The following NUMB variants were observed in gnomAD, a reference collection of about 807,000 sequenced individuals.
NUMB encodes NUMB endocytic adaptor protein, also known as protein numb homolog.
A neutral mutation model predicts 59.7 loss-of-function variants in NUMB; 29 were observed. The observed-to-expected ratio is 0.49, with a 90% CI of 0.36 to 0.66. The LOEUF (loss-of-function observed/expected upper bound fraction) is 0.66, where lower values mean the gene tolerates loss of function less well. Ranked by LOEUF, NUMB falls within the 30% of genes least tolerant of loss-of-function variation. The probability of loss-of-function intolerance (pLI) is 0.00; values close to 1 mark genes in which losing one functional copy is unlikely to be tolerated. For missense variants in NUMB, 723 were observed against 822.0 expected, an observed-to-expected ratio of 0.88 and a Z score of 1.47; for synonymous variants, 288 against 288.2, an observed-to-expected ratio of 1.00 and a Z score of 0.01.
At chr14:73,327,312 A>G (rs1156834330) in intron 4 of NUMB, among the ~76,000 whole-genome samples, 2 of 152,212 alleles carry the variant, frequency 1.3e-5, no homozygotes, top group East Asian at 3.8e-4. Flanking sequence ...ACTGGAGTAC[A>G]GTGGTGCAAT....
chr14:73,439,763 A>C (rs933871211), intron 1 of NUMB, among the ~76,000 whole-genome samples: 1 of 152,214 alleles, frequency 6.6e-6, no homozygotes, highest in African/African-American at 2.4e-5. Flanking sequence ...ATTAAAGAGG[A>C]GAAAGGAGAG....
At chr14:73,453,790 G>A (rs1025139783) in intron 1 of NUMB, among the ~76,000 whole-genome samples, 1 of 151,660 alleles carries the variant, frequency 6.6e-6, no homozygotes, top group Non-Finnish European at 1.5e-5. Context: ...TGTGTTTTTA[G>A]TAGAGATGGG....
At chr14:73,348,250 A>T (rs947507576) in intron 4 of NUMB, among the ~76,000 whole-genome samples, 1 of 152,228 alleles carries the variant, frequency 6.6e-6, no homozygotes, top group African/African-American at 2.4e-5. Flanking sequence ...TCAGTTGTAT[A>T]TAAGTGTATG....
At chr14:73,299,018 C>T (rs1009042588) in intron 6 of NUMB, 2 of 152,156 alleles carry the variant, frequency 1.3e-5, no homozygotes, top group African/African-American at 2.4e-5. Flanking sequence ...AAGGAGAAGA[C>T]TGAACTGGGT....
In NUMB at chr14:73,275,925, A is replaced by AACTC. The variant is rs1331238022; in HGVS notation, c.*649_*652dup. ...CTTTACCTTTGGCAAGATTACTTACAACTCATACAACTTCTTAATATCTGA... is the reference window on the plus strand; with the variant it reads ...CTTTACCTTTGGCAAGATTACTTACAACTCACTCATACAACTTCTTAATATCTGA... On this transcript the variant is annotated 3_prime_UTR_variant, in exon 13 of 13. Transcript: ENST00000555238. 1.3e-5 allele frequency: 2 copies of AACTC among 152,682 alleles called. No individual in the cohort carries two copies. The highest frequency in any genetic ancestry group is 4.8e-5 in the African/African-American group (2 of 41,462). 9.5% of individuals were successfully genotyped at this position (152,682 alleles called of 1,614,324 possible).
intron 8 of NUMB, among the ~76,000 whole-genome samples, chr14:73,292,195 G>A (rs116754711): frequency 1.5e-3 from 235 of 152,174 alleles, no homozygotes; most frequent in African/African-American, 5.4e-3. Flanking sequence ...CTACATGCAT[G>A]TGCCACCATG....
intron 2 of NUMB, among the ~76,000 whole-genome samples, chr14:73,379,728 G>A (rs1895138660): frequency 1.3e-5 from 2 of 152,180 alleles, no homozygotes; most frequent in South Asian, 2.1e-4. Context: ...AGGTCCTGAG[G>A]CAAGTGTACA....
chr14:73,421,186 G>T (rs534981879), intron 1 of NUMB, among the ~76,000 whole-genome samples: 22 of 151,284 alleles, frequency 1.5e-4, no homozygotes, highest in African/African-American at 3.4e-4. Context: ...GTTTTTGTTT[G>T]TTTGTTTGTT....
intron 4 of NUMB, among the ~76,000 whole-genome samples, chr14:73,329,431 G>A (rs963661602): frequency 2.6e-5 from 4 of 152,090 alleles, no homozygotes; most frequent in Non-Finnish European, 5.9e-5. Flanking sequence ...GAATTCATCT[G>A]AAATTTCAGC....
At chr14:73,417,856 C>T (rs1897197458) in intron 1 of NUMB, among the ~76,000 whole-genome samples, 1 of 152,196 alleles carries the variant, frequency 6.6e-6, no homozygotes, top group Admixed American at 6.5e-5. Flanking sequence ...CCTGTAATCC[C>T]AGAACTTTGG....
intron 2 of NUMB, among the ~76,000 whole-genome samples, chr14:73,389,258 G>A (rs149607216): frequency 0.048 from 5,652 of 118,542 alleles, 195 homozygotes; most frequent in Middle Eastern, 0.14. Flanking sequence ...GTTACAGAGC[G>A]AGACTCCATC....
intron 7 of NUMB, 42 bp downstream of exon 7, chr14:73,297,168 CA>C (rs753340851): frequency 1.2e-4 from 163 of 1,356,800 alleles, no homozygotes; most frequent in African/African-American, 3.2e-4. Context: ...ACTCCATCTC[CA>C]AAAAAAATAA....
At chr14:73,376,228 T>C (rs1894937271) in intron 2 of NUMB, among the ~76,000 whole-genome samples, 1 of 152,140 alleles carries the variant, frequency 6.6e-6, no homozygotes, top group Non-Finnish European at 1.5e-5. Context: ...GGTTAATATA[T>C]AAAAGTCAAT....
intron 1 of NUMB, among the ~76,000 whole-genome samples, chr14:73,446,434 C>G (rs1183605912): frequency 6.6e-6 from 1 of 151,726 alleles, no homozygotes; most frequent in Non-Finnish European, 1.5e-5. Flanking sequence ...GGTGAAACCC[C>G]GTCTCTACTA....
At chr14:73,340,474 CAT>C (rs1012129499) in intron 4 of NUMB, among the ~76,000 whole-genome samples, 8 of 152,204 alleles carry the variant, frequency 5.3e-5, no homozygotes, top group African/African-American at 1.9e-4. Flanking sequence ...TCCCTTTGAA[CAT>C]ACCAGATACT....
intron 1 of NUMB, among the ~76,000 whole-genome samples, chr14:73,411,935 T>C (rs1205850583): frequency 6.7e-6 from 1 of 149,394 alleles, no homozygotes; most frequent in African/African-American, 2.5e-5. Context: ...TTTTTTTTTT[T>C]TTTTTTTGAG....
At chr14:73,394,026 C>T (rs909834145) in intron 2 of NUMB, among the ~76,000 whole-genome samples, 4 of 151,422 alleles carry the variant, frequency 2.6e-5, no homozygotes, top group Non-Finnish European at 5.9e-5. Flanking sequence ...AGTGCAATTG[C>T]GCGATCTTGG....
At chr14:73,391,372 A>C (rs779438208) in intron 2 of NUMB, among the ~76,000 whole-genome samples, 38 of 152,080 alleles carry the variant, frequency 2.5e-4, no homozygotes, top group Non-Finnish European at 3.2e-4. Flanking sequence ...TAAATTTTAA[A>C]AAATCATTTC....
chr14:73,357,857 T>C (rs542503641), intron 3 of NUMB, among the ~76,000 whole-genome samples: 1 of 150,996 alleles, frequency 6.6e-6, no homozygotes, highest in Admixed American at 6.6e-5. Flanking sequence ...CTTACTCAAG[T>C]TGGCATGCTC....
Sources: gnomAD v4.1 joint callset for allele counts (sites outside exome capture counted in the v4.1 genomes callset) on GRCh38, gnomAD v4.1.1 for gene constraint, MANE v1.5 for transcripts, NCBI Gene and HGNC (gene_info 2026-07-23, HGNC 2026-07-21) for gene names.